Variants in POT1 observed in about 807,000 individuals in gnomAD.
The protein encoded by POT1 is protection of telomeres 1.
POT1 carries 47 observed loss-of-function variants against 78.5 expected under a neutral mutation model. The ratio of observed to expected loss-of-function variants is 0.60; its 90% CI spans 0.47 to 0.76. The LOEUF is 0.76. Ranked by LOEUF, POT1 falls within the 30% of genes least tolerant of loss-of-function variation. The probability of loss-of-function intolerance (pLI) is 0.00; values close to 1 mark genes in which losing one functional copy is unlikely to be tolerated. For synonymous variants in POT1, 259 were observed against 260.7 expected (o/e 0.99, Z 0.06); for missense variants, 646 against 749.9 (o/e 0.86, Z 1.62).
At chr7:124,825,118 T>G (rs772248875) in intron 18 of POT1, 134 bp downstream of exon 18, 6 of 476,002 alleles carry the variant, frequency 1.3e-5, no homozygotes, top group Non-Finnish European at 3.7e-6. Context: ...AGGTTGATCA[T>G]AGAGTAATCA....
At chr7:124,879,725 G>A (rs919132967) in intron 6 of POT1, among the ~76,000 whole-genome samples, 3 of 152,000 alleles carry the variant, frequency 2.0e-5, no homozygotes, top group Non-Finnish European at 4.4e-5. Flanking sequence ...TTCTGAGAGG[G>A]AAAATTCATT....
chr7:124,873,418 T>C (rs1795916036), intron 6 of POT1, among the ~76,000 whole-genome samples: 1 of 152,232 alleles, frequency 6.6e-6, no homozygotes, highest in Non-Finnish European at 1.5e-5. Context: ...TTTGCATATG[T>C]GGAACCACCC....
chr7:124,832,745 C>T (rs1040470474), intron 15 of POT1, among the ~76,000 whole-genome samples: 4 of 150,422 alleles, frequency 2.7e-5, no homozygotes, highest in South Asian at 2.1e-4. Flanking sequence ...TCGCTTGAAC[C>T]GGGGAGGCAG....
chr7:124,876,346 C>T (rs4333531), intron 6 of POT1, among the ~76,000 whole-genome samples: 151,367 of 152,292 alleles, frequency 0.99, 75,233 homozygotes, highest in Middle Eastern at 1. Context: ...TTTAAAAGGT[C>T]TGGACTCATA....
At chr7:124,884,797 G>A (rs1457311208) in intron 6 of POT1, among the ~76,000 whole-genome samples, 3 of 152,156 alleles carry the variant, frequency 2.0e-5, no homozygotes, top group Admixed American at 1.3e-4. Flanking sequence ...GCAAGGATGA[G>A]CCATACACTA....
At chr7:124,901,299 G>C (rs1796613011) in intron 3 of POT1, among the ~76,000 whole-genome samples, 1 of 152,190 alleles carries the variant, frequency 6.6e-6, no homozygotes, top group African/African-American at 2.4e-5. Flanking sequence ...TGAGACGAAG[G>C]TTCCAGAGGA....
intron 3 of POT1, chr7:124,900,825 A>G (rs1796600972): frequency 2.5e-6 from 1 of 395,936 alleles, no homozygotes; most frequent in Non-Finnish European, 5.2e-6. Flanking sequence ...CAACGGTCTT[A>G]GCAAACTGCA....
At chr7:124,911,124 G>C (rs1796879546) in intron 3 of POT1, among the ~76,000 whole-genome samples, 1 of 151,974 alleles carries the variant, frequency 6.6e-6, no homozygotes, top group Non-Finnish European at 1.5e-5. Flanking sequence ...TAATAATTTA[G>C]AAATGTCATC....
At chr7:124,825,483 T>C (rs781179237) in intron 17 of POT1, 126 bp from the exon 18 acceptor site, 11 of 545,992 alleles carry the variant, frequency 2.0e-5, no homozygotes, top group Non-Finnish European at 3.0e-5. Flanking sequence ...CTATCAAGAT[T>C]GTAGAATTCA....
intron 3 of POT1, among the ~76,000 whole-genome samples, chr7:124,904,644 AG>A (rs148870892): frequency 0.28 from 42,011 of 152,032 alleles, 5,933 homozygotes; most frequent in East Asian, 0.3. Context: ...AGTTCTGGCC[AG>A]GGCAATCAGG....
At chr7:124,856,808 C>A (rs924327407) in intron 9 of POT1, among the ~76,000 whole-genome samples, 3 of 152,086 alleles carry the variant, frequency 2.0e-5, no homozygotes, top group Admixed American at 1.3e-4. Flanking sequence ...GAAAAAACCT[C>A]CAGAACTGAA....
intron 2 of POT1, among the ~76,000 whole-genome samples, chr7:124,924,679 T>C (rs1045130767): frequency 6.6e-6 from 1 of 151,848 alleles, no homozygotes; most frequent in African/African-American, 2.4e-5. Context: ...AACTACAGAC[T>C]AGTATCTCTG....
At chr7:124,919,557 G>A (rs1035148678) in intron 2 of POT1, among the ~76,000 whole-genome samples, 5 of 152,094 alleles carry the variant, frequency 3.3e-5, no homozygotes, top group Non-Finnish European at 7.4e-5. Flanking sequence ...TGTGCCACCA[G>A]TCTGACTGGT....
At chr7:124,826,987 T>C (rs897186916) in intron 17 of POT1, among the ~76,000 whole-genome samples, 3 of 152,224 alleles carry the variant, frequency 2.0e-5, no homozygotes, top group Non-Finnish European at 4.4e-5. Flanking sequence ...GGAATGACTC[T>C]TTAAATCCCT....
chr7:124,895,518 T>C (rs1796471412), intron 5 of POT1, among the ~76,000 whole-genome samples: 2 of 150,936 alleles, frequency 1.3e-5, no homozygotes, highest in South Asian at 2.1e-4. Flanking sequence ...CCTAGCAGCA[T>C]AATTCGATTC....
At chr7:124,928,651 G>C (rs745482695) in intron 2 of POT1, among the ~76,000 whole-genome samples, 164 bp downstream of exon 2, 1 of 152,108 alleles carries the variant, frequency 6.6e-6, no homozygotes, top group Non-Finnish European at 1.5e-5. Flanking sequence ...ATAATTGTTC[G>C]CTAAATAAGT....
Position 124,835,370 on chromosome 7 carries a change from T to C in POT1, c.1414A>G (p.Ser472Gly). 3 of 1,613,992 alleles carry C rather than the reference T, an allele frequency of 1.9e-6. No homozygotes were observed. The highest frequency in any genetic ancestry group is 2.5e-6 in the Non-Finnish European group (3 of 1,179,866). The part of the protein sequence containing the change: ...EICKLSNKFN[S>G]VIPVRSGHED... ...TGGCCAGATCTCACAGGAATTACAC[T>C]ATTAAACTTGTTCGAGAGTTTGCAA... Residue 472 changes from serine to glycine, a missense_variant, in exon 15 of 19, where the codon AGT (serine) becomes GGT (glycine). Physicochemically the swap from Ser to Gly is moderately conservative, Grantham distance 56. Coordinates refer to ENST00000357628, the MANE Select transcript of POT1 (RefSeq NM_015450.3).
intron 12 of POT1, among the ~76,000 whole-genome samples, chr7:124,846,181 A>ACACACACACACACACACC (rs1363149384): frequency 1.8e-4 from 27 of 151,944 alleles, no homozygotes; most frequent in African/African-American, 5.8e-4. Flanking sequence ...ACACACACAC[A>ACACACACACACACACACC]CACCCCTATA....
chr7:124,895,081 A>G (rs1796460996), intron 5 of POT1, among the ~76,000 whole-genome samples: 1 of 151,672 alleles, frequency 6.6e-6, no homozygotes, highest in African/African-American at 2.4e-5. Context: ...CTCACTAAAT[A>G]ATCTAGAACA....
Sources: allele counts gnomAD v4.1 joint callset (sites outside exome capture counted in the v4.1 genomes callset), GRCh38; gene constraint gnomAD v4.1.1; transcripts MANE v1.5; gene names NCBI Gene and HGNC (gene_info 2026-07-23, HGNC 2026-07-21).